Variants in SUSD6 observed in about 807,000 individuals in gnomAD.
SUSD6 encodes sushi domain containing 6, also known as sushi domain-containing protein 6.
Under a neutral mutation model 28.4 loss-of-function variants are expected in SUSD6, and 16 were observed. That is an observed-to-expected ratio of 0.56 (90% CI 0.38 to 0.86). SUSD6 has a LOEUF of 0.86. SUSD6 is among the 40% of genes least tolerant of loss of function. The pLI is 0.00. For synonymous variants in SUSD6, 147 were observed against 159.6 expected (o/e 0.92, Z 0.59); for missense variants, 341 against 384.2 (o/e 0.89, Z 0.94).
intron 2 of SUSD6, among the ~76,000 whole-genome samples, chr14:69,668,785 T>TGAACTCAGAGAGA (rs1885784579): frequency 1.3e-5 from 2 of 152,128 alleles, no homozygotes; most frequent in Admixed American, 1.3e-4. Context: ...GCGATCCCCT[T>TGAACTCAGAGAGA]GATGGTGAGC....
At chr14:69,686,098 T>A (rs1185301441) in intron 2 of SUSD6, among the ~76,000 whole-genome samples, 1 of 152,148 alleles carries the variant, frequency 6.6e-6, no homozygotes, top group Non-Finnish European at 1.5e-5. Context: ...TCTTCTAAAG[T>A]TGATAGAATT....
intron 5 of SUSD6, among the ~76,000 whole-genome samples, chr14:69,710,438 G>C (rs989944842): frequency 6.6e-6 from 1 of 152,238 alleles, no homozygotes; most frequent in Non-Finnish European, 1.5e-5. Flanking sequence ...GTCAGAATGA[G>C]GGGTTCAGAA....
chr14:69,674,737 T>C (rs557010775), intron 2 of SUSD6, among the ~76,000 whole-genome samples: 30 of 152,296 alleles, frequency 2.0e-4, no homozygotes, highest in Admixed American at 8.5e-4. Flanking sequence ...GACTCCTGGC[T>C]TGGAGAGAAT....
intron 1 of SUSD6, chr14:69,615,477 G>A (rs1448621426): frequency 6.6e-6 from 1 of 152,220 alleles, no homozygotes; most frequent in Non-Finnish European, 1.5e-5. Context: ...TTCTTCTTGG[G>A]CTGATGTGTC....
rs549297194 is a variant in SUSD6, at chr14:69,658,331, TGTTTCCCCA to T, written c.-80-180_-80-172del. Among the ~76,000 whole-genome samples the T allele has an allele frequency of 4.9e-4, 74 of 152,210 alleles. 1 individual carries two copies. The highest frequency in any genetic ancestry group is 2.7e-3 in the Admixed American group (42 of 15,290). Reference sequence around the variant, plus strand: ...CCTGGCTTCTGCACGCTGCAGGCCTTGTTTCCCCAGGGAGGAGTTGAAAAGCCACTTCTG... The same window carrying T: ...CCTGGCTTCTGCACGCTGCAGGCCTTGGGAGGAGTTGAAAAGCCACTTCTG... On this transcript the variant is annotated intron_variant, in intron 1 of 5. Transcript: ENST00000342745.
intron 2 of SUSD6, among the ~76,000 whole-genome samples, chr14:69,674,996 T>C (rs540333811): frequency 2.7e-4 from 41 of 152,270 alleles, no homozygotes; most frequent in African/African-American, 9.6e-4. Flanking sequence ...CTGAACACCC[T>C]CCTGTTAGCA....
intron 2 of SUSD6, among the ~76,000 whole-genome samples, chr14:69,668,350 C>T (rs1473002612): frequency 2.0e-5 from 3 of 151,908 alleles, no homozygotes; most frequent in Admixed American, 2.0e-4. Flanking sequence ...AAAGTATATC[C>T]CCAGCTGGGT....
At chr14:69,665,382 G>T (rs1173117690) in intron 2 of SUSD6, among the ~76,000 whole-genome samples, 1 of 152,096 alleles carries the variant, frequency 6.6e-6, no homozygotes, top group African/African-American at 2.4e-5. Flanking sequence ...CTGAGTAGCT[G>T]GGACTATAGG....
intron 2 of SUSD6, among the ~76,000 whole-genome samples, chr14:69,662,949 A>G (rs1343009026): frequency 1.3e-5 from 2 of 152,142 alleles, no homozygotes; most frequent in Admixed American, 1.3e-4. Context: ...CAGAATTGGT[A>G]TGTGACCTAC....
intron 1 of SUSD6, among the ~76,000 whole-genome samples, chr14:69,645,551 G>A (rs1320178557): frequency 6.6e-6 from 1 of 152,170 alleles, no homozygotes; most frequent in Non-Finnish European, 1.5e-5. Context: ...TGTTAGTTCA[G>A]AGAGACTTTC....
intron 1 of SUSD6, among the ~76,000 whole-genome samples, chr14:69,646,700 C>CTTTTTTTTTTTTTTTT (rs61409476): frequency 9.2e-6 from 1 of 109,220 alleles, no homozygotes. Context: ...TTTTTTCCAT[C>CTTTTTTTTTTTTTTTT]TTTTTTTTTT....
At position 69,703,832 on chromosome 14, in the gene SUSD6, G is replaced by A. The variant is rs182632038; in HGVS notation, c.319+240G>A. ...CCCTGCTCTGTAAAGCCCGTTTGAT[G>A]TTCAGGATCTCTTGTTTGCATGGCC... On this transcript the variant is annotated intron_variant, in intron 3 of 5. Transcript: ENST00000342745. 1,353 of 566,572 alleles carry A rather than the reference G, an allele frequency of 2.4e-3. 4 individuals carry two copies. The highest frequency in any genetic ancestry group is 3.0e-3 in the Non-Finnish European group (958 of 316,350). The allele number at this position is 566,572 out of a possible 1,614,324, so 35.1% of individuals were successfully genotyped here.
intron 2 of SUSD6, among the ~76,000 whole-genome samples, chr14:69,691,011 G>A (rs535039429): frequency 3.5e-4 from 53 of 152,290 alleles, no homozygotes; most frequent in African/African-American, 1.3e-3. Flanking sequence ...TTCATGGTAT[G>A]CCTTAGACCC....
chr14:69,668,975 C>T (rs1388449198), intron 2 of SUSD6, among the ~76,000 whole-genome samples: 1 of 150,978 alleles, frequency 6.6e-6, no homozygotes, highest in Non-Finnish European at 1.5e-5. Context: ...GCTTCCTGTA[C>T]AGCTTGCAGA....
At chr14:69,630,715 C>A (rs1885181180) in intron 1 of SUSD6, among the ~76,000 whole-genome samples, 1 of 152,004 alleles carries the variant, frequency 6.6e-6, no homozygotes. Flanking sequence ...CCTCTCAACC[C>A]TTTTCTAAGT....
chr14:69,688,386 A>T (rs1173944691), intron 2 of SUSD6, among the ~76,000 whole-genome samples: 1 of 152,210 alleles, frequency 6.6e-6, no homozygotes, highest in East Asian at 1.9e-4. Flanking sequence ...GTGAGAGCTC[A>T]TGCATGCATG....
chr14:69,639,496 A>G lies in SUSD6; in HGVS notation c.-80-19017A>G, dbSNP rs577686366. 9.9e-5 allele frequency among the ~76,000 whole-genome samples: 15 copies of G among 152,232 alleles called. 1 individual carries two copies. The East Asian group carries it at 2.9e-3, about 29-fold the overall frequency. ...GGGCAGAGCTGGGGTGAAAAACCAG[A>G]TATCTTAATTCCCAAGCCCCTCTCT... On this transcript the variant is annotated intron_variant, in intron 1 of 5. Coordinates refer to ENST00000342745, the MANE Select transcript of SUSD6 (RefSeq NM_014734.4).
chr14:69,667,411 C>G (rs555084875), intron 2 of SUSD6, among the ~76,000 whole-genome samples: 398 of 141,818 alleles, frequency 2.8e-3, no homozygotes, highest in African/African-American at 0.01. Context: ...GAGTCTCGCT[C>G]TGTCGCCCAG....
intron 2 of SUSD6, among the ~76,000 whole-genome samples, chr14:69,663,993 A>G (rs988751668): frequency 1.7e-5 from 2 of 119,548 alleles, no homozygotes; most frequent in African/African-American, 6.3e-5. Flanking sequence ...TTTTTTTTTT[A>G]TTTGAGATGG....
Sources: allele counts gnomAD v4.1 joint callset (sites outside exome capture counted in the v4.1 genomes callset), GRCh38; gene constraint gnomAD v4.1.1; transcripts MANE v1.5; gene names NCBI Gene and HGNC (gene_info 2026-07-23, HGNC 2026-07-21).